The following BMERB1 variants were observed in gnomAD, a reference collection of about 807,000 sequenced individuals.
The protein encoded by BMERB1 is bMERB domain-containing protein 1.
A neutral mutation model predicts 23.6 loss-of-function variants in BMERB1; 12 were observed. The ratio of observed to expected loss-of-function variants is 0.51; its 90% CI spans 0.33 to 0.82. The LOEUF (loss-of-function observed/expected upper bound fraction) is 0.82, where lower values mean the gene tolerates loss of function less well. Among genes scored for constraint, BMERB1 ranks in the 40% least tolerant of loss-of-function variants. BMERB1 has a pLI of 0.03. For missense variants in BMERB1, 247 were observed against 255.4 expected, an observed-to-expected ratio of 0.97 and a Z score of 0.22; for synonymous variants, 122 against 96.6, an observed-to-expected ratio of 1.26 and a Z score of -1.54.
At chr16:15,555,091 A>G (rs981540966) in intron 2 of BMERB1, among the ~76,000 whole-genome samples, 1 of 152,096 alleles carries the variant, frequency 6.6e-6, no homozygotes, top group African/African-American at 2.4e-5. Flanking sequence ...AAAATTGACT[A>G]TTTTCAAAAG....
intron 1 of BMERB1, among the ~76,000 whole-genome samples, chr16:15,439,412 A>G (rs866528983): frequency 3.3e-5 from 5 of 152,216 alleles, no homozygotes; most frequent in African/African-American, 9.6e-5. Flanking sequence ...AAAGCGCTCA[A>G]TCAAGGTTGA....
chr16:15,555,779 A>C (rs1159825026), intron 2 of BMERB1, among the ~76,000 whole-genome samples: 3 of 152,190 alleles, frequency 2.0e-5, no homozygotes, highest in African/African-American at 7.2e-5. Context: ...GACACTTATC[A>C]ACACTTATCC....
chr16:15,495,650 G>A (rs1363504079), intron 1 of BMERB1, among the ~76,000 whole-genome samples: 1 of 152,216 alleles, frequency 6.6e-6, no homozygotes, highest in Non-Finnish European at 1.5e-5. Flanking sequence ...ACAGGCGTGA[G>A]CCACCGCGCC....
chr16:15,450,720 C>T (rs1029351130), intron 1 of BMERB1, among the ~76,000 whole-genome samples: 3 of 152,198 alleles, frequency 2.0e-5, no homozygotes, highest in African/African-American at 7.2e-5. Context: ...ATTCATCTGC[C>T]TCAGCCTCCC....
At chr16:15,504,923 A>G (rs926844074) in intron 1 of BMERB1, among the ~76,000 whole-genome samples, 10 of 151,876 alleles carry the variant, frequency 6.6e-5, no homozygotes, top group Non-Finnish European at 1.2e-4. Context: ...GTATATTCCA[A>G]TGACTGAAAT....
intron 1 of BMERB1, among the ~76,000 whole-genome samples, chr16:15,510,567 G>A (rs559881150): frequency 3.9e-5 from 6 of 152,198 alleles, no homozygotes; most frequent in African/African-American, 1.4e-4. Flanking sequence ...AAACAGAGCT[G>A]CTGAGAGGTT....
At chr16:15,504,080 T>G (rs1257911217) in intron 1 of BMERB1, among the ~76,000 whole-genome samples, 1 of 152,198 alleles carries the variant, frequency 6.6e-6, no homozygotes, top group Non-Finnish European at 1.5e-5. Flanking sequence ...ATGGGTATGC[T>G]TGTTCCCCAA....
chr16:15,495,969 G>A (rs1175953200), intron 1 of BMERB1, among the ~76,000 whole-genome samples: 1 of 151,960 alleles, frequency 6.6e-6, no homozygotes, highest in Non-Finnish European at 1.5e-5. Context: ...TGGTGGTGGT[G>A]GCAATGATGA....
At chr16:15,441,724 T>C (rs2050940778) in intron 1 of BMERB1, among the ~76,000 whole-genome samples, 1 of 152,016 alleles carries the variant, frequency 6.6e-6, no homozygotes, top group South Asian at 2.1e-4. Flanking sequence ...TTTTGCTGTG[T>C]TTCCAGGCTA....
rs2031143604 is a variant in BMERB1 at position 15,586,431 on chromosome 16, G to C, written c.503-286G>C. 3.3e-5 allele frequency among the ~76,000 whole-genome samples: 5 copies of C among 152,180 alleles called. No homozygotes were observed. The South Asian group carries it at 1.0e-3, about 32-fold the overall frequency. On this transcript the variant is annotated intron_variant, in intron 5 of 5. Coordinates refer to ENST00000300006, the MANE Select transcript of BMERB1 (RefSeq NM_033201.3). ...TCTTGGATGTCAGGCCCTGTGCTAG[G>C]CTTGGCAGGTACAATGATGATAACA...
chr16:15,520,307 T>G (rs1042376361), intron 2 of BMERB1, among the ~76,000 whole-genome samples: 3 of 151,994 alleles, frequency 2.0e-5, no homozygotes, highest in African/African-American at 2.4e-5. Flanking sequence ...CCTTACTCTT[T>G]TACAACGCAA....
intron 2 of BMERB1, among the ~76,000 whole-genome samples, chr16:15,517,278 G>A (rs2051772695): frequency 6.6e-6 from 1 of 152,166 alleles, no homozygotes; most frequent in South Asian, 2.1e-4. Context: ...AGAGGCGGAG[G>A]TAGGTAGATC....
chr16:15,553,169 G>A (rs1160954811), intron 2 of BMERB1, among the ~76,000 whole-genome samples: 2 of 152,166 alleles, frequency 1.3e-5, no homozygotes, highest in African/African-American at 4.8e-5. Context: ...CACCATGCCC[G>A]GCTAGTTTTT....
intron 2 of BMERB1, among the ~76,000 whole-genome samples, chr16:15,565,586 C>T (rs999041747): frequency 1.3e-5 from 2 of 152,178 alleles, no homozygotes; most frequent in African/African-American, 2.4e-5. Flanking sequence ...CAGTGGCTCA[C>T]GCCTGTAATC....
chr16:15,564,335 A>T (rs954599204), intron 2 of BMERB1, among the ~76,000 whole-genome samples: 8 of 151,840 alleles, frequency 5.3e-5, no homozygotes, highest in African/African-American at 9.7e-5. Context: ...GCATACATAA[A>T]TTTTTTTTTG....
At chr16:15,576,887 G>A (rs2030874693) in intron 3 of BMERB1, among the ~76,000 whole-genome samples, 3 of 152,120 alleles carry the variant, frequency 2.0e-5, no homozygotes, top group African/African-American at 7.2e-5. Flanking sequence ...AGAGAAAAGG[G>A]AACAGCTCTC....
intron 2 of BMERB1, among the ~76,000 whole-genome samples, chr16:15,539,583 C>T (rs550409078): frequency 6.6e-6 from 1 of 152,130 alleles, no homozygotes; most frequent in African/African-American, 2.4e-5. Flanking sequence ...GTAGCTCATG[C>T]CTATAATCTC....
intron 1 of BMERB1, among the ~76,000 whole-genome samples, chr16:15,473,542 C>T (rs2051249276): frequency 6.6e-6 from 1 of 152,032 alleles, no homozygotes. Flanking sequence ...ATCCACCCGC[C>T]TCAGCCTCCC....
intron 1 of BMERB1, among the ~76,000 whole-genome samples, chr16:15,460,436 T>A (rs1283441657): frequency 6.6e-6 from 1 of 152,140 alleles, no homozygotes; most frequent in African/African-American, 2.4e-5. Flanking sequence ...GACATTTTGC[T>A]CTGGGATGAG....
Sources: gnomAD v4.1 joint callset for allele counts (sites outside exome capture counted in the v4.1 genomes callset) on GRCh38, gnomAD v4.1.1 for gene constraint, MANE v1.5 for transcripts, NCBI Gene and HGNC (gene_info 2026-07-23, HGNC 2026-07-21) for gene names.